Variants in HTR1F observed in about 807,000 individuals in gnomAD.
HTR1F encodes the protein 5-hydroxytryptamine receptor 1F, also known as 5-hydroxytryptamine (serotonin) receptor 1F, G protein-coupled.
HTR1F carries 17 observed loss-of-function variants against 24.0 expected under a neutral mutation model. The ratio of observed to expected loss-of-function variants is 0.71; its 90% CI spans 0.48 to 1.06. The LOEUF is 1.06. Ranked by LOEUF, HTR1F falls within the 50% of genes least tolerant of loss-of-function variation. HTR1F has a pLI of 0.00. For synonymous variants in HTR1F, 186 were observed against 156.8 expected, an observed-to-expected ratio of 1.19 and a Z score of -1.39; for missense variants, 391 against 427.8, an observed-to-expected ratio of 0.91 and a Z score of 0.76.
At chr3:87,896,086 A>T (rs1222415607) in intron 2 of HTR1F, among the ~76,000 whole-genome samples, 2 of 152,200 alleles carry the variant, frequency 1.3e-5, no homozygotes, top group Non-Finnish European at 2.9e-5. Flanking sequence ...ACTTTGAAAG[A>T]GTGACATTGC....
chr3:87,969,929 G>A (rs1222136204), intron 2 of HTR1F, among the ~76,000 whole-genome samples: 4 of 152,196 alleles, frequency 2.6e-5, no homozygotes, highest in African/African-American at 7.2e-5. Context: ...GAGATCTGAT[G>A]GTTTTATAAA....
At chr3:87,792,995 C>T (rs1462002201) in intron 1 of HTR1F, among the ~76,000 whole-genome samples, 153 bp downstream of exon 1, 1 of 152,226 alleles carries the variant, frequency 6.6e-6, no homozygotes, top group African/African-American at 2.4e-5. Flanking sequence ...AAGTCCTTTC[C>T]CACACTACTT....
At chr3:87,985,270 G>T (rs957883550) in intron 2 of HTR1F, among the ~76,000 whole-genome samples, 1 of 152,002 alleles carries the variant, frequency 6.6e-6, no homozygotes, top group African/African-American at 2.4e-5. Flanking sequence ...AGGAGGCAGA[G>T]GTTGCGGTGA....
At chr3:87,960,871 CA>C (rs1467498873) in intron 2 of HTR1F, among the ~76,000 whole-genome samples, 1 of 151,838 alleles carries the variant, frequency 6.6e-6, no homozygotes, top group Non-Finnish European at 1.5e-5. Flanking sequence ...TAATGACTAT[CA>C]TGCTACTTTA....
chr3:87,972,288 A>G (rs1053506960), intron 2 of HTR1F, among the ~76,000 whole-genome samples: 4 of 152,240 alleles, frequency 2.6e-5, no homozygotes, highest in African/African-American at 7.2e-5. Flanking sequence ...GTGTTTTACA[A>G]TAATCAATTT....
intron 2 of HTR1F, among the ~76,000 whole-genome samples, chr3:87,885,344 T>A (rs1705911408): frequency 6.6e-6 from 1 of 152,056 alleles, no homozygotes; most frequent in South Asian, 2.1e-4. Context: ...TCTAAAGCAG[T>A]GTGTAGAGGG....
At chr3:87,982,700 C>G (rs570174165) in intron 2 of HTR1F, among the ~76,000 whole-genome samples, 7 of 152,278 alleles carry the variant, frequency 4.6e-5, no homozygotes, top group African/African-American at 1.7e-4. Context: ...AGGTAAATTT[C>G]TAACCCTCAG....
chr3:87,839,875 G>A (rs1161584364), intron 2 of HTR1F, among the ~76,000 whole-genome samples: 1 of 152,068 alleles, frequency 6.6e-6, no homozygotes, highest in South Asian at 2.1e-4. Context: ...TCCTATTTCT[G>A]TATTAGTTTG....
chr3:87,813,777 C>A (rs1602154), intron 1 of HTR1F, among the ~76,000 whole-genome samples: 3 of 152,100 alleles, frequency 2.0e-5, no homozygotes, highest in African/African-American at 7.2e-5. Context: ...CATTAGATCT[C>A]ATGGTTTTAT....
intron 2 of HTR1F, among the ~76,000 whole-genome samples, chr3:87,905,009 A>G (rs1314251258): frequency 6.6e-6 from 1 of 152,012 alleles, no homozygotes. Context: ...TTGTTCTTCA[A>G]TGAAAGTATT....
chr3:87,909,619 A>G (rs554219826), intron 2 of HTR1F, among the ~76,000 whole-genome samples: 1 of 152,212 alleles, frequency 6.6e-6, no homozygotes, highest in South Asian at 2.1e-4. Flanking sequence ...GTTCAGCTGC[A>G]TAAAACAGAA....
At chr3:87,950,980 GC>G (rs1049813492) in intron 2 of HTR1F, among the ~76,000 whole-genome samples, 8 of 151,826 alleles carry the variant, frequency 5.3e-5, no homozygotes, top group Admixed American at 4.6e-4. Flanking sequence ...GTCCTTCCTG[GC>G]CCTATTTTGT....
intron 2 of HTR1F, among the ~76,000 whole-genome samples, chr3:87,956,060 A>G (rs185965397): frequency 6.6e-6 from 1 of 151,414 alleles, no homozygotes; most frequent in Admixed American, 6.6e-5. Context: ...CACTTTGGTA[A>G]AATCAAATTT....
At chr3:87,848,602 AC>A in intron 2 of HTR1F, among the ~76,000 whole-genome samples, 1 of 152,008 alleles carries the variant, frequency 6.6e-6, no homozygotes, top group African/African-American at 2.4e-5. Flanking sequence ...AATTACAAAA[AC>A]AATAAAATAA....
intron 2 of HTR1F, among the ~76,000 whole-genome samples, chr3:87,889,207 T>C (rs1706025129): frequency 6.6e-6 from 1 of 152,132 alleles, no homozygotes; most frequent in Non-Finnish European, 1.5e-5. Flanking sequence ...ATGCCCAGTC[T>C]TAAACTTTCC....
At chr3:87,953,075 A>G (rs1181953270) in intron 2 of HTR1F, among the ~76,000 whole-genome samples, 3 of 151,920 alleles carry the variant, frequency 2.0e-5, no homozygotes, top group African/African-American at 7.2e-5. Context: ...GACTTAAAAC[A>G]TAAGACATGA....
chr3:87,942,244 T>C (rs947319187), intron 2 of HTR1F, among the ~76,000 whole-genome samples: 1 of 151,434 alleles, frequency 6.6e-6, no homozygotes, highest in Non-Finnish European at 1.5e-5. Context: ...TTGAAAAGAG[T>C]AAAGTTCCCC....
At chr3:87,895,895 G>C (rs1576000017) in intron 2 of HTR1F, among the ~76,000 whole-genome samples, 1 of 152,320 alleles carries the variant, frequency 6.6e-6, no homozygotes, top group East Asian at 1.9e-4. Flanking sequence ...CAGGCAGGGA[G>C]AGAGAAACAC....
At chr3:87,897,767 T>C (rs1352168755) in intron 2 of HTR1F, among the ~76,000 whole-genome samples, 1 of 152,116 alleles carries the variant, frequency 6.6e-6, no homozygotes, top group Admixed American at 6.6e-5. Context: ...TTCACACTCC[T>C]GCATACGTCA....
Sources: gnomAD v4.1 joint callset for allele counts (sites outside exome capture counted in the v4.1 genomes callset) on GRCh38, gnomAD v4.1.1 for gene constraint, MANE v1.5 for transcripts, NCBI Gene and HGNC (gene_info 2026-07-23, HGNC 2026-07-21) for gene names.